The following ZBTB25 variants were observed in gnomAD, a reference collection of about 807,000 sequenced individuals.
The protein encoded by ZBTB25 is zinc finger and BTB domain containing 25.
Under a neutral mutation model 34.2 loss-of-function variants are expected in ZBTB25, and 20 were observed. The observed-to-expected ratio is 0.58, with a 90% CI of 0.41 to 0.85. The LOEUF is 0.85. Ranked by LOEUF, ZBTB25 falls within the 40% of genes least tolerant of loss-of-function variation. The pLI, the probability that ZBTB25 is intolerant of heterozygous loss-of-function variation, is 0.00. For missense variants in ZBTB25, 437 were observed against 521.8 expected (o/e 0.84, Z 1.58); for synonymous variants, 175 against 186.4 (o/e 0.94, Z 0.50).
chr14:64,500,665 G>A (rs749109511), intron 1 of ZBTB25, among the ~76,000 whole-genome samples: 32 of 152,196 alleles, frequency 2.1e-4, no homozygotes, highest in Middle Eastern at 3.4e-3. Context: ...CGTGGTGGCA[G>A]ACGTCTGTAA....
intron 1 of ZBTB25, chr14:64,503,215 C>A (rs1256417960): frequency 1.6e-5 from 16 of 985,322 alleles, no homozygotes; most frequent in Non-Finnish European, 1.8e-5. Flanking sequence ...GCCCTAGAAA[C>A]GAGGTAATCA....
At position 64,483,460 on chromosome 14, in the gene ZBTB25, G is replaced by C. The variant is rs909438939; in HGVS notation, c.*3463C>G. On this transcript the variant is annotated 3_prime_UTR_variant, in exon 3 of 3. Transcript: ENST00000608382. ...ACCCGGCTAATTTTTTGTATTTTTA[G>C]TAGAGACGCGGTTTCACTGTGTTAG... The C allele has an allele frequency of 6.6e-6, 1 of 151,878 alleles. No homozygotes were observed. The highest frequency in any genetic ancestry group is 2.1e-4 in the South Asian group (1 of 4,802). The allele number at this position is 151,878 out of a possible 1,614,324, so 9.4% of individuals were successfully genotyped here. A position where few individuals can be genotyped will look rare whatever the true frequency, so the allele number is the denominator to read the frequency against.
intron 2 of ZBTB25, chr14:64,469,051 G>A: frequency 6.2e-7 from 1 of 1,614,104 alleles, no homozygotes; most frequent in South Asian, 1.1e-5. Context: ...TAGATAATGG[G>A]CATTCTGCTA....
At chr14:64,477,049 C>A (rs1027461921), downstream of ZBTB25, among the ~76,000 whole-genome samples, 3 of 152,336 alleles carry the variant, frequency 2.0e-5, no homozygotes, top group South Asian at 2.1e-4. Flanking sequence ...TGTGTCACCT[C>A]GGGGTAATTT....
intron 2 of ZBTB25, among the ~76,000 whole-genome samples, chr14:64,489,597 G>A (rs1477116320): frequency 6.7e-6 from 1 of 150,064 alleles, no homozygotes; most frequent in Non-Finnish European, 1.5e-5. Context: ...ATGCAGTGGC[G>A]CGATCTCGGC....
chr14:64,484,342 C>T lies in ZBTB25; in HGVS notation c.*2581G>A, dbSNP rs914236624. On this transcript the variant is annotated 3_prime_UTR_variant, in exon 3 of 3. Coordinates refer to ENST00000608382, the MANE Select transcript of ZBTB25 (RefSeq NM_006977.5). ...GTCTTATCCAACCAACCATGTACAACTCTACCTCCACCCTTTAGCTATATA... is the reference window on the plus strand; with the variant it reads ...GTCTTATCCAACCAACCATGTACAATTCTACCTCCACCCTTTAGCTATATA... 6.6e-6 allele frequency: 1 copy of T among 152,292 alleles called. No homozygotes were observed. The highest frequency in any genetic ancestry group is 1.5e-5 in the Non-Finnish European group (1 of 68,110). 9.4% of individuals were successfully genotyped at this position (152,292 alleles called of 1,614,324 possible).
chr14:64,497,071 C>G (rs983455837), intron 1 of ZBTB25, among the ~76,000 whole-genome samples: 8 of 152,052 alleles, frequency 5.3e-5, no homozygotes, highest in Non-Finnish European at 2.9e-5. Flanking sequence ...CTAGAACTTT[C>G]AACATTTACA....
intron 2 of ZBTB25, among the ~76,000 whole-genome samples, chr14:64,453,486 G>T (rs542295727): frequency 2.0e-5 from 3 of 152,110 alleles, no homozygotes; most frequent in Non-Finnish European, 2.9e-5. Flanking sequence ...CAGGAGAATC[G>T]CTTGAACCTG....
Position 64,490,362 on chromosome 14 carries a change from T to G in ZBTB25, c.172A>C (p.Ser58Arg). ...YFKMIFIHQTSECIKIQPTDI... is the reference protein window; with the variant it reads ...YFKMIFIHQTRECIKIQPTDI... ...TTATTTACAAAAACACATCCTTACC[T>G]TGTTTGGTGAATAAATATCATCTTG... is the stretch of plus-strand genomic sequence containing the variant. The change falls in exon 2 of 3, where the codon AGT (serine) becomes CGT (arginine). Residue 58 changes from serine (S) to arginine (R), a missense_variant and splice_region_variant. Ser to Arg is a moderately radical substitution (Grantham distance 110). Coordinates refer to ENST00000608382, the MANE Select transcript of ZBTB25 (RefSeq NM_006977.5). 1 of 1,583,612 alleles carries G rather than the reference T, an allele frequency of 6.3e-7. No individual in the cohort carries two copies. Among genetic ancestry groups the G allele is most frequent in the South Asian group, 1.2e-5 (1 of 85,844 alleles).
chr14:64,459,967 T>C (rs1188193863), intron 2 of ZBTB25: 45 of 1,501,492 alleles, frequency 3.0e-5, no homozygotes, highest in African/African-American at 4.2e-5. Context: ...CTGTTTACTT[T>C]AGTGACGTTC....
intron 1 of ZBTB25, among the ~76,000 whole-genome samples, chr14:64,492,356 G>A (rs531471605): frequency 1.1e-4 from 17 of 151,834 alleles, no homozygotes; most frequent in African/African-American, 2.9e-4. Flanking sequence ...ACAGGTGCCC[G>A]CCACCATGCC....
intron 1 of ZBTB25, among the ~76,000 whole-genome samples, chr14:64,500,668 G>A (rs1233491458): frequency 3.3e-5 from 5 of 152,056 alleles, no homozygotes; most frequent in Middle Eastern, 3.2e-3. Context: ...GGTGGCAGAC[G>A]TCTGTAATCC....
chr14:64,498,866 C>T (rs2079386016), intron 1 of ZBTB25, among the ~76,000 whole-genome samples: 1 of 151,120 alleles, frequency 6.6e-6, no homozygotes, highest in Non-Finnish European at 1.5e-5. Context: ...GATTTCCTGA[C>T]CTCATGATCC....
At chr14:64,458,196 T>C in intron 2 of ZBTB25, 1 of 1,574,176 alleles carries the variant, frequency 6.4e-7, no homozygotes, top group Non-Finnish European at 8.7e-7. Flanking sequence ...TTATTTGTAA[T>C]GCTTTTTTAC....
At chr14:64,457,856 T>G in intron 2 of ZBTB25, 1 of 346,182 alleles carries the variant, frequency 2.9e-6, no homozygotes, top group South Asian at 3.3e-5. Flanking sequence ...TGTTCTATCT[T>G]TATGCCTTGG....
In ZBTB25 at chr14:64,480,380, C is replaced by T. The variant is rs181803592; in HGVS notation, c.*6543G>A. On this transcript the variant is annotated 3_prime_UTR_variant, in exon 3 of 3. Transcript: ENST00000608382. ...AAAGCAAGAAACTTCTGGGAAATGA[C>T]GAAATACTACCTTTCTTTCCAGAGA... The T allele has an allele frequency of 2.8e-4, 100 of 358,198 alleles. No individual in the cohort carries two copies. The highest frequency in any genetic ancestry group is 5.4e-4 in the Admixed American group (14 of 25,822). 22.2% of individuals were successfully genotyped at this position (358,198 alleles called of 1,614,324 possible).
At chr14:64,496,803 G>A (rs879553700) in intron 1 of ZBTB25, among the ~76,000 whole-genome samples, 3 of 152,054 alleles carry the variant, frequency 2.0e-5, no homozygotes, top group Non-Finnish European at 4.4e-5. Flanking sequence ...CTTACATAAG[G>A]GAGATCCTTA....
chr14:64,494,508 C>T (rs1486424549), intron 1 of ZBTB25, among the ~76,000 whole-genome samples: 1 of 152,194 alleles, frequency 6.6e-6, no homozygotes, highest in Non-Finnish European at 1.5e-5. Flanking sequence ...TAGCACATGC[C>T]TGTAATCCCA....
At chr14:64,489,733 A>C in intron 2 of ZBTB25, among the ~76,000 whole-genome samples, 1 of 150,522 alleles carries the variant, frequency 6.6e-6, no homozygotes, top group Non-Finnish European at 1.5e-5. Flanking sequence ...ACGGGGTTTC[A>C]CCATATTGGC....
Sources: gnomAD v4.1 joint callset for allele counts (sites outside exome capture counted in the v4.1 genomes callset) on GRCh38, gnomAD v4.1.1 for gene constraint, MANE v1.5 for transcripts, NCBI Gene and HGNC (gene_info 2026-07-23, HGNC 2026-07-21) for gene names.